The following KIAA1217 variants were observed in gnomAD, a reference collection of about 807,000 sequenced individuals.
KIAA1217 encodes the protein sickle tail protein homolog.
A neutral mutation model predicts 163.9 loss-of-function variants in KIAA1217; 88 were observed. The ratio of observed to expected loss-of-function variants is 0.54; its 90% CI spans 0.45 to 0.64. The LOEUF (loss-of-function observed/expected upper bound fraction) is 0.64, where lower values mean the gene tolerates loss of function less well. Ranked by LOEUF, KIAA1217 falls within the 30% of genes least tolerant of loss-of-function variation. The pLI is 0.00. For missense variants in KIAA1217, 2,372 were observed against 2,475.0 expected, an observed-to-expected ratio of 0.96 and a Z score of 0.88; for synonymous variants, 903 against 923.1, an observed-to-expected ratio of 0.98 and a Z score of 0.39.
intron 1 of KIAA1217, among the ~76,000 whole-genome samples, chr10:23,918,746 A>G (rs2131286078): frequency 6.6e-6 from 1 of 152,072 alleles, no homozygotes; most frequent in East Asian, 1.9e-4. Context: ...ACACACACAC[A>G]CACACACACA....
intron 2 of KIAA1217, among the ~76,000 whole-genome samples, chr10:24,271,701 C>T (rs776098282): frequency 3.0e-4 from 46 of 151,192 alleles, no homozygotes; most frequent in Non-Finnish European, 1.5e-5. Flanking sequence ...TGCAGTGTGT[C>T]GAGATTGTGC....
chr10:23,805,169 T>C (rs1369174318), intron 1 of KIAA1217, among the ~76,000 whole-genome samples: 1 of 152,178 alleles, frequency 6.6e-6, no homozygotes, highest in African/African-American at 2.4e-5. Context: ...AATGGGTATA[T>C]ATCCAAAGGA....
intron 1 of KIAA1217, among the ~76,000 whole-genome samples, chr10:23,774,513 G>T (rs1219626256): frequency 6.6e-6 from 1 of 152,184 alleles, no homozygotes; most frequent in Non-Finnish European, 1.5e-5. Context: ...ATGACCTGGG[G>T]CCCACTGCCT....
chr10:23,907,409 A>T (rs1319695075), intron 1 of KIAA1217, among the ~76,000 whole-genome samples: 1 of 151,944 alleles, frequency 6.6e-6, no homozygotes, highest in African/African-American at 2.4e-5. Flanking sequence ...GATGTGGTTC[A>T]TACAATTATG....
At chr10:24,142,639 A>T (rs1337150218) in intron 2 of KIAA1217, among the ~76,000 whole-genome samples, 1 of 152,238 alleles carries the variant, frequency 6.6e-6, no homozygotes, top group Admixed American at 6.5e-5. Context: ...AAAAGGATAA[A>T]AATAGAAGAT....
intron 1 of KIAA1217, among the ~76,000 whole-genome samples, chr10:23,820,902 T>A (rs1041213657): frequency 1.3e-5 from 2 of 152,184 alleles, no homozygotes; most frequent in African/African-American, 4.8e-5. Flanking sequence ...AAATCATCGC[T>A]GTAAGAATGT....
At chr10:24,091,363 A>G (rs915790740) in intron 2 of KIAA1217, among the ~76,000 whole-genome samples, 8 of 151,964 alleles carry the variant, frequency 5.3e-5, no homozygotes, top group South Asian at 4.1e-4. Context: ...TTTATGGTAG[A>G]TACCATTTTC....
intron 1 of KIAA1217, among the ~76,000 whole-genome samples, chr10:23,861,485 G>T (rs1021277314): frequency 6.6e-6 from 1 of 152,102 alleles, no homozygotes; most frequent in African/African-American, 2.4e-5. Context: ...ATGTAATTAG[G>T]GTCACATGCT....
At chr10:24,181,564 C>A (rs2066172895) in intron 2 of KIAA1217, among the ~76,000 whole-genome samples, 2 of 152,070 alleles carry the variant, frequency 1.3e-5, no homozygotes, top group Non-Finnish European at 2.9e-5. Context: ...TAGTAGGAAA[C>A]AACTGATGGA....
chr10:23,995,450 C>CTCTG (rs980015208), intron 1 of KIAA1217, among the ~76,000 whole-genome samples: 4 of 147,724 alleles, frequency 2.7e-5, no homozygotes, highest in African/African-American at 1.0e-4. Context: ...CAATTATGGC[C>CTCTG]TGTGTGTGTG....
chr10:24,531,970 A>C lies in KIAA1217; in HGVS notation c.3223A>C (p.Arg1075=). Residue 1075 remains arginine (R), a synonymous_variant, in exon 15 of 21, where the codon AGA becomes CGA. Transcript: ENST00000376454. ...TRSGDVVYTG[R]KENITAKASS... is the part of the protein sequence containing the mutation. The stretch of plus-strand genomic sequence containing the variant: ...GTCAGGCGATGTGGTCTACACCGGC[A>C]GAAAGGAGAACATCACCGCTAAGGT... 1 of 1,581,722 alleles carries C rather than the reference A, an allele frequency of 6.3e-7. No individual in the cohort carries two copies.
intron 1 of KIAA1217, among the ~76,000 whole-genome samples, chr10:23,855,973 G>A (rs540674184): frequency 1.9e-4 from 29 of 152,140 alleles, no homozygotes; most frequent in Admixed American, 4.6e-4. Flanking sequence ...CCTGTAGCTC[G>A]GAGTAGTTTG....
At chr10:24,386,138 A>G (rs2053974747) in intron 3 of KIAA1217, among the ~76,000 whole-genome samples, 1 of 152,232 alleles carries the variant, frequency 6.6e-6, no homozygotes, top group Non-Finnish European at 1.5e-5. Flanking sequence ...AGCTTTAGAA[A>G]AGAGACCTCA....
chr10:24,114,461 C>G (rs191793253), intron 2 of KIAA1217, among the ~76,000 whole-genome samples: 140 of 152,298 alleles, frequency 9.2e-4, no homozygotes, highest in Admixed American at 2.0e-3. Context: ...ACAGACCCCC[C>G]CTGTTGCAGC....
intron 1 of KIAA1217, among the ~76,000 whole-genome samples, chr10:23,768,230 G>T (rs940641952): frequency 3.3e-5 from 5 of 152,200 alleles, no homozygotes; most frequent in Admixed American, 1.3e-4. Flanking sequence ...CAGGAGCATG[G>T]TCTCTTTTAT....
At chr10:23,837,966 C>T (rs1429300990) in intron 1 of KIAA1217, among the ~76,000 whole-genome samples, 7 of 152,092 alleles carry the variant, frequency 4.6e-5, no homozygotes, top group Admixed American at 3.3e-4. Flanking sequence ...CCTGCATGAC[C>T]CATTCCTTCA....
chr10:24,032,003 A>G (rs1848208770), intron 2 of KIAA1217, among the ~76,000 whole-genome samples: 1 of 152,220 alleles, frequency 6.6e-6, no homozygotes, highest in Non-Finnish European at 1.5e-5. Context: ...GTAGCTCAGA[A>G]AAAACAGCAA....
At position 24,334,382 on chromosome 10, in the gene KIAA1217, G is replaced by GA. The variant is rs56803053; in HGVS notation, c.355-46480dup. Among the ~76,000 whole-genome samples, 115 of 142,512 alleles carry GA rather than the reference G, an allele frequency of 8.1e-4. 1 individual carries two copies. Among genetic ancestry groups the GA allele is most frequent in the African/African-American group, 2.9e-3 (112 of 38,760 alleles). 93.5% of individuals were successfully genotyped at this position (142,512 alleles called of 152,430 possible). ...TAGTGAGACCCTGTGTCTTAGAAAA[G>GA]AAAAAAAGATGAAGGAAGGAAGGAA... On this transcript the variant is annotated intron_variant, in intron 2 of 20. Transcript: ENST00000376454.
At chr10:24,527,822 T>G (rs1387910108) in intron 13 of KIAA1217, 114 bp from the exon 14 acceptor site, 3 of 738,740 alleles carry the variant, frequency 4.1e-6, no homozygotes, top group Admixed American at 2.5e-5. Flanking sequence ...TACCCATTAG[T>G]TATTTTTCCT....
Sources: gnomAD v4.1 joint callset for allele counts (sites outside exome capture counted in the v4.1 genomes callset) on GRCh38, gnomAD v4.1.1 for gene constraint, MANE v1.5 for transcripts, NCBI Gene and HGNC (gene_info 2026-07-23, HGNC 2026-07-21) for gene names.